Variants in RASA3 observed in about 807,000 individuals in gnomAD.
The protein encoded by RASA3 is RAS p21 protein activator 3.
Under a neutral mutation model 110.0 loss-of-function variants are expected in RASA3, and 73 were observed. That is an observed-to-expected ratio of 0.66 (90% CI 0.55 to 0.81). The LOEUF is 0.81. Among genes scored for constraint, RASA3 ranks in the 30% least tolerant of loss-of-function variants. The pLI, the probability that RASA3 is intolerant of heterozygous loss-of-function variation, is 0.00. For synonymous variants in RASA3, 500 were observed against 451.4 expected (o/e 1.11, Z -1.37); for missense variants, 976 against 1,113.2 (o/e 0.88, Z 1.75).
chr13:114,042,142 T>C (rs1340185913), intron 3 of RASA3, among the ~76,000 whole-genome samples: 2 of 152,258 alleles, frequency 1.3e-5, no homozygotes, highest in African/African-American at 4.8e-5. Flanking sequence ...GTTCACCTCA[T>C]TCCAGAAACA....
chr13:114,073,704 C>T lies in RASA3; in HGVS notation c.173+16G>A. ...GAAAACACATCAGTGCCAAGTAAAG[C>T]AACAGAAGACATTACCAGAGTGACT... On this transcript the variant is annotated intron_variant, in intron 2 of 23. Coordinates refer to ENST00000334062, the MANE Select transcript of RASA3 (RefSeq NM_007368.4). The T allele has an allele frequency of 6.3e-7, 1 of 1,586,520 alleles. No individual in the cohort carries two copies. Among genetic ancestry groups the T allele is most frequent in the Non-Finnish European group, 8.7e-7 (1 of 1,154,802 alleles).
chr13:114,005,342 G>A (rs532159333), intron 18 of RASA3, among the ~76,000 whole-genome samples: 22 of 152,336 alleles, frequency 1.4e-4, no homozygotes, highest in African/African-American at 4.8e-4. Context: ...TGGTGGAAAC[G>A]GGCAGACGTG....
Position 114,041,036 on chromosome 13 carries a change from G to T in RASA3, c.336C>A (p.Phe112Leu), listed in dbSNP as rs1465411379. 6.2e-7 allele frequency: 1 copy of T among 1,613,844 alleles called. No homozygotes were observed. The highest frequency in any genetic ancestry group is 1.7e-5 in the Admixed American group (1 of 60,038). ...AGTCAGCGTCCACGTGCTGCAGCTGGAACCAGGTGTCCCTGTTGTGGTACT... is the reference window on the plus strand; with the variant it reads ...AGTCAGCGTCCACGTGCTGCAGCTGTAACCAGGTGTCCCTGTTGTGGTACT... ...LQKYHNRDTWFQLQHVDADSE... is the reference protein window; with the variant it reads ...LQKYHNRDTWLQLQHVDADSE... Residue 112 changes from phenylalanine to leucine, a missense_variant, in exon 4 of 24, where the codon TTC (phenylalanine) becomes TTA (leucine). By Grantham distance (22) the Phe-to-Leu change is conservative (BLOSUM62 0). This residue lies in a region of RASA3 where 732 missense variants were observed against 779.7 expected (regional missense o/e 0.94). Coordinates refer to ENST00000334062, the MANE Select transcript of RASA3 (RefSeq NM_007368.4).
intron 1 of RASA3, among the ~76,000 whole-genome samples, 160 bp downstream of exon 1, chr13:114,132,275 G>A (rs538292479): frequency 3.3e-5 from 5 of 152,274 alleles, no homozygotes; most frequent in South Asian, 2.1e-4. Flanking sequence ...GAGGTGGGGA[G>A]GGGCCGCGGA....
At chr13:114,088,734 GA>G (rs2139706090) in intron 1 of RASA3, among the ~76,000 whole-genome samples, 1 of 152,152 alleles carries the variant, frequency 6.6e-6, no homozygotes, top group Non-Finnish European at 1.5e-5. Flanking sequence ...ATTTCTATTA[GA>G]GACAAGGTTT....
chr13:114,109,851 C>T (rs1334861501), intron 1 of RASA3, among the ~76,000 whole-genome samples: 3 of 152,198 alleles, frequency 2.0e-5, no homozygotes, highest in Non-Finnish European at 2.9e-5. Flanking sequence ...GGCCTCGCGG[C>T]GGCACGAGAC....
intron 20 of RASA3, among the ~76,000 whole-genome samples, chr13:113,999,260 C>G (rs2053327630): frequency 6.6e-6 from 1 of 152,172 alleles, no homozygotes; most frequent in Admixed American, 6.5e-5. Flanking sequence ...GGTCCCAAGC[C>G]TGCTTCTGGG....
intron 7 of RASA3, among the ~76,000 whole-genome samples, chr13:114,026,184 C>A (rs999823570): frequency 5.3e-5 from 8 of 152,102 alleles, no homozygotes; most frequent in African/African-American, 9.7e-5. Context: ...GTGATGAGCA[C>A]CCGTGTGTGG....
rs1353981731 is a variant in RASA3 at position 113,981,705 on chromosome 13, T to C, written c.2399A>G (p.Asp800Gly). The change falls in exon 23 of 24, where the codon GAC becomes GGC. Residue 800 changes from aspartate to glycine, a missense_variant. By Grantham distance (94) the Asp-to-Gly change is moderately conservative. This residue lies in a region of RASA3 where 132 missense variants were observed against 152.8 expected (regional missense o/e 0.86). Transcript: ENST00000334062. Reference sequence around the variant, plus strand: ...TCCATATTTCGTCTTCTTGAACTTGTCCCTCTTATACTGGGCGTGCTCCTG... The same window carrying C: ...TCCATATTTCGTCTTCTTGAACTTGCCCCTCTTATACTGGGCGTGCTCCTG... The part of the protein sequence containing the change: ...LEQEHAQYKR[D>G]KFKKTKYGSQ... The C allele has an allele frequency of 1.2e-6, 2 of 1,613,922 alleles. No homozygotes were observed. Among genetic ancestry groups the C allele is most frequent in the Admixed American group, 1.7e-5 (1 of 60,000 alleles).
Position 114,014,072 on chromosome 13 carries a change from C to T in RASA3, c.1406-824G>A, listed in dbSNP as rs958054433. Among the ~76,000 whole-genome samples, 3 of 151,112 alleles carry T rather than the reference C, an allele frequency of 2.0e-5. No homozygotes were observed. Among genetic ancestry groups the T allele is most frequent in the Admixed American group, 6.6e-5 (1 of 15,132 alleles). ...TCTCCGTCTGTCTCTGCCTCTCTCT[C>T]CGTCTGTCTCTGCCTCTCTCTCCGT... On this transcript the variant is annotated intron_variant, in intron 14 of 23. Transcript: ENST00000334062. This position sits in a 1 kb window ranked among gnomAD's most constrained non-coding sequence, Gnocchi z 4.5.
intron 7 of RASA3, among the ~76,000 whole-genome samples, 175 bp downstream of exon 7, chr13:114,027,214 G>A (rs1019178221): frequency 5.9e-5 from 9 of 152,022 alleles, no homozygotes; most frequent in Middle Eastern, 3.4e-3. Flanking sequence ...ACCCAGGGCC[G>A]GCCGGCGGGG....
chr13:114,059,334 A>G (rs2079299114), intron 2 of RASA3, among the ~76,000 whole-genome samples: 1 of 152,160 alleles, frequency 6.6e-6, no homozygotes, highest in Non-Finnish European at 1.5e-5. Flanking sequence ...GGCCAAGGGG[A>G]CGTTGGTCTC....
In RASA3 at chr13:114,018,263, G is replaced by C; in HGVS notation, c.943-11C>G. The C allele has an allele frequency of 6.5e-7, 1 of 1,548,862 alleles. No homozygotes were observed. Among genetic ancestry groups the C allele is most frequent in the South Asian group, 1.2e-5 (1 of 83,900 alleles). ...AGACGCTGACACGGGCTGCGGGGAG[G>C]GGTGAGGTCAGTGCCAGGGCCCGGG... is the stretch of plus-strand genomic sequence containing the variant. On this transcript the variant is annotated splice_polypyrimidine_tract_variant and intron_variant, in intron 10 of 23. Coordinates refer to ENST00000334062, the MANE Select transcript of RASA3 (RefSeq NM_007368.4).
At chr13:114,017,496 C>T in intron 11 of RASA3, 145 bp from the exon 12 acceptor site, 1 of 689,444 alleles carries the variant, frequency 1.5e-6, no homozygotes, top group Non-Finnish European at 2.6e-6. Context: ...ACAAGGAGCA[C>T]AACCAGGCCA....
intron 1 of RASA3, among the ~76,000 whole-genome samples, chr13:114,083,076 C>T (rs1319739810): frequency 3.9e-5 from 6 of 152,220 alleles, no homozygotes; most frequent in Non-Finnish European, 8.8e-5. Flanking sequence ...AACATTTCTC[C>T]CACTCATACA....
At chr13:114,098,758 G>A (rs910425910) in intron 1 of RASA3, among the ~76,000 whole-genome samples, 2 of 152,122 alleles carry the variant, frequency 1.3e-5, no homozygotes, top group Non-Finnish European at 2.9e-5. Flanking sequence ...GCAGTGGAAG[G>A]CACAAGGGCG....
intron 2 of RASA3, among the ~76,000 whole-genome samples, chr13:114,054,178 A>G (rs926900596): frequency 6.6e-6 from 1 of 152,210 alleles, no homozygotes; most frequent in African/African-American, 2.4e-5. Flanking sequence ...AGACTAGAAA[A>G]AATATTAGTA....
At chr13:114,025,298 G>T (rs959531081) in intron 7 of RASA3, among the ~76,000 whole-genome samples, 3 of 152,196 alleles carry the variant, frequency 2.0e-5, no homozygotes, top group South Asian at 4.1e-4. Context: ...TCTCTGCTTC[G>T]GGTTGAGGGC....
At chr13:113,996,826 C>T (rs559714955) in intron 20 of RASA3, 87 bp from the exon 21 acceptor site, 30 of 1,225,160 alleles carry the variant, frequency 2.4e-5, no homozygotes, top group South Asian at 1.9e-4. Flanking sequence ...TGGCCGTCCT[C>T]GCCGGAGTCG....
Sources: allele counts gnomAD v4.1 joint callset (sites outside exome capture counted in the v4.1 genomes callset), GRCh38; gene constraint gnomAD v4.1.1; regional missense constraint gnomAD v4.1.1; non-coding constraint Gnocchi (gnomAD v3.1); transcripts MANE v1.5; gene names NCBI Gene and HGNC (gene_info 2026-07-23, HGNC 2026-07-21).